The following ERC1 variants were observed in gnomAD, a reference collection of about 807,000 sequenced individuals.
ERC1 encodes the protein ELKS/RAB6-interacting/CAST family member 1, also known as RAB6 interacting protein 2.
In ERC1, 56 loss-of-function variants were observed where a neutral mutation model predicts 132.0. The observed-to-expected ratio is 0.42, with a 90% CI of 0.34 to 0.53. The LOEUF is 0.53. Among genes scored for constraint, ERC1 ranks in the 20% least tolerant of loss-of-function variants. The pLI is 0.03. For missense variants in ERC1, 1,202 were observed against 1,349.9 expected (o/e 0.89, Z 1.72); for synonymous variants, 478 against 476.1 (o/e 1.00, Z -0.05).
At chr12:1,063,295 C>T (rs1163519884) in intron 2 of ERC1, among the ~76,000 whole-genome samples, 2 of 150,824 alleles carry the variant, frequency 1.3e-5, no homozygotes, top group East Asian at 1.9e-4. Context: ...GAATATTGCT[C>T]TGTCGCCCAG....
chr12:1,448,546 A>G (rs2093357606), intron 18 of ERC1, among the ~76,000 whole-genome samples: 3 of 152,218 alleles, frequency 2.0e-5, no homozygotes, highest in South Asian at 4.1e-4. Context: ...GTCACTGCCA[A>G]ATATGCATAT....
At chr12:1,007,678 A>G (rs1015068660) in intron 1 of ERC1, among the ~76,000 whole-genome samples, 6 of 152,128 alleles carry the variant, frequency 3.9e-5, no homozygotes, top group African/African-American at 1.4e-4. Flanking sequence ...TATTGGGTAC[A>G]GTAGCCACTA....
rs767924630 is a variant in ERC1 at position 1,263,112 on chromosome 12, C to T, written c.2566C>T (p.Arg856Trp). 1.4e-5 allele frequency: 22 copies of T among 1,613,748 alleles called. No homozygotes were observed. In the South Asian group the frequency reaches 1.4e-4, roughly 10 times the overall value. ...AGAAAGTGTACAGATAACTGCAGAG[C>T]GGGAAATGGTGCTAGCACAAGAGGA... ...LRESVQITAEREMVLAQEESA... is the reference protein window; with the variant it reads ...LRESVQITAEWEMVLAQEESA... The change falls in exon 14 of 19, where the codon CGG (arginine) becomes TGG (tryptophan). Residue 856 changes from arginine to tryptophan, a missense_variant. By Grantham distance (101) the Arg-to-Trp change is moderately radical (BLOSUM62 -3). Coordinates refer to ENST00000360905, the MANE Select transcript of ERC1 (RefSeq NM_178040.4).
At chr12:1,185,055 C>T (rs551207610) in intron 11 of ERC1, among the ~76,000 whole-genome samples, 9 of 152,280 alleles carry the variant, frequency 5.9e-5, no homozygotes, top group East Asian at 3.9e-4. Context: ...GGTTTATAGG[C>T]GCATGCCGCT....
At chr12:1,230,582 G>T (rs1246405552) in intron 12 of ERC1, among the ~76,000 whole-genome samples, 1 of 152,150 alleles carries the variant, frequency 6.6e-6, no homozygotes, top group African/African-American at 2.4e-5. Flanking sequence ...CATATAGTCT[G>T]TTATTTGCTC....
At chr12:1,272,557 T>C (rs981011676) in intron 14 of ERC1, among the ~76,000 whole-genome samples, 15 of 152,264 alleles carry the variant, frequency 9.9e-5, no homozygotes, top group African/African-American at 2.2e-4. Flanking sequence ...ATTATTCTTA[T>C]CACCAGATTA....
chr12:1,429,223 T>C (rs1251423074), intron 17 of ERC1, among the ~76,000 whole-genome samples: 5 of 152,232 alleles, frequency 3.3e-5, no homozygotes, highest in African/African-American at 1.2e-4. Context: ...TATTAGATTG[T>C]CTGTGTCTTC....
At chr12:1,305,143 G>T (rs2080784515) in intron 15 of ERC1, among the ~76,000 whole-genome samples, 1 of 152,128 alleles carries the variant, frequency 6.6e-6, no homozygotes, top group Admixed American at 6.5e-5. Context: ...CTTCTGTGGA[G>T]CTACTTTCCT....
intron 8 of ERC1, among the ~76,000 whole-genome samples, chr12:1,142,866 C>A (rs1020375520): frequency 6.6e-6 from 1 of 152,062 alleles, no homozygotes; most frequent in Non-Finnish European, 1.5e-5. Flanking sequence ...AAAATTAGTT[C>A]TTTTGTCCGA....
At position 1,409,253 on chromosome 12, in the gene ERC1, A is replaced by G. The variant is rs1041278424; in HGVS notation, c.3024+1006A>G. Among the ~76,000 whole-genome samples the G allele has an allele frequency of 2.6e-5, 4 of 152,334 alleles. No individual in the cohort carries two copies. In the South Asian group the frequency reaches 8.3e-4, roughly 32 times the overall value. ...ACAATGTAAATATTTAATGTGGGCA[A>G]AATGGAGAGCTATCTGCCTGGTGTC... is the stretch of plus-strand genomic sequence containing the variant. On this transcript the variant is annotated intron_variant, in intron 17 of 18. Transcript: ENST00000360905.
chr12:1,424,277 A>G (rs762503664), intron 17 of ERC1, among the ~76,000 whole-genome samples: 7 of 152,196 alleles, frequency 4.6e-5, no homozygotes, highest in Admixed American at 3.3e-4. Context: ...TGAACATACA[A>G]TGTCAGGTGT....
At chr12:1,233,114 A>C (rs956831385) in intron 12 of ERC1, among the ~76,000 whole-genome samples, 3 of 152,194 alleles carry the variant, frequency 2.0e-5, no homozygotes, top group Non-Finnish European at 4.4e-5. Flanking sequence ...TGAACTCTAC[A>C]CACAGAAGAG....
intron 16 of ERC1, among the ~76,000 whole-genome samples, chr12:1,394,232 C>G (rs2090318300): frequency 6.6e-6 from 1 of 150,514 alleles, no homozygotes. Context: ...AACCCCATCT[C>G]TACTAAAAAT....
chr12:1,275,348 C>T lies in ERC1; in HGVS notation c.2619+12183C>T, dbSNP rs866964340. On this transcript the variant is annotated intron_variant, in intron 14 of 18. Coordinates refer to ENST00000360905, the MANE Select transcript of ERC1 (RefSeq NM_178040.4). ...ACTAAAAATACCAAATTTAGCTGGG[C>T]GTGGTGGTGCACGCCTGTAGTCCCA... Among the ~76,000 whole-genome samples, 21 of 152,114 alleles carry T rather than the reference C, an allele frequency of 1.4e-4. 1 individual carries two copies. The South Asian group carries it at 2.1e-3, about 15-fold the overall frequency.
chr12:1,320,929 C>T (rs988546974), intron 15 of ERC1, among the ~76,000 whole-genome samples: 2 of 152,178 alleles, frequency 1.3e-5, no homozygotes, highest in Non-Finnish European at 2.9e-5. Flanking sequence ...TCTTGATCTC[C>T]TGACCTCGTG....
At chr12:1,071,219 G>A (rs959420109) in intron 2 of ERC1, among the ~76,000 whole-genome samples, 2 of 152,204 alleles carry the variant, frequency 1.3e-5, no homozygotes, top group African/African-American at 2.4e-5. Flanking sequence ...TGATACCTAA[G>A]GGTGGAATTC....
chr12:1,067,421 A>G (rs1939418890), intron 2 of ERC1, among the ~76,000 whole-genome samples: 1 of 152,224 alleles, frequency 6.6e-6, no homozygotes, highest in South Asian at 2.1e-4. Flanking sequence ...GATTACTTGG[A>G]TAGCACTAGG....
At chr12:1,323,878 T>C (rs2082276060) in intron 15 of ERC1, among the ~76,000 whole-genome samples, 1 of 152,200 alleles carries the variant, frequency 6.6e-6, no homozygotes, top group Admixed American at 6.5e-5. Flanking sequence ...TGTTGCTGCT[T>C]CCCAACATCT....
At chr12:1,449,252 G>C (rs1477771466) in intron 18 of ERC1, among the ~76,000 whole-genome samples, 1 of 152,148 alleles carries the variant, frequency 6.6e-6, no homozygotes, top group South Asian at 2.1e-4. Flanking sequence ...TTTGGACTTG[G>C]ACTTTTGGGT....
Sources: allele counts gnomAD v4.1 joint callset (sites outside exome capture counted in the v4.1 genomes callset), GRCh38; gene constraint gnomAD v4.1.1; transcripts MANE v1.5; gene names NCBI Gene and HGNC (gene_info 2026-07-23, HGNC 2026-07-21).